Variants in NDUFV1 observed in about 807,000 individuals in gnomAD.
NDUFV1 encodes NADH:ubiquinone oxidoreductase core subunit V1, also known as NADH dehydrogenase [ubiquinone] flavoprotein 1, mitochondrial.
NDUFV1 carries 41 observed loss-of-function variants against 48.7 expected under a neutral mutation model. That is an observed-to-expected ratio of 0.84 (90% CI 0.66 to 1.09). NDUFV1 has a LOEUF of 1.09. Ranked by LOEUF, NDUFV1 falls within the 50% of genes least tolerant of loss-of-function variation. The probability of loss-of-function intolerance (pLI) is 0.00; values close to 1 mark genes in which losing one functional copy is unlikely to be tolerated. For missense variants in NDUFV1, 580 were observed against 645.4 expected, an observed-to-expected ratio of 0.90 and a Z score of 1.10; for synonymous variants, 231 against 259.1, an observed-to-expected ratio of 0.89 and a Z score of 1.04.
Position 67,611,882 on chromosome 11 carries a change from C to A in NDUFV1, c.1081-15C>A. 6.2e-7 allele frequency: 1 copy of A among 1,613,902 alleles called. No homozygotes were observed. Among genetic ancestry groups the A allele is most frequent in the South Asian group, 1.1e-5 (1 of 91,066 alleles). ...TCTGGCCGTGGGTGCCTGCTAATTG[C>A]CCCTCGTCACCCAGACGGACATCGT... On this transcript the variant is annotated splice_polypyrimidine_tract_variant and intron_variant, in intron 7 of 9. Transcript: ENST00000322776. The surrounding 1 kb of genome is among the most constrained non-coding windows in gnomAD (Gnocchi z 4.2).
At position 67,608,690 on chromosome 11, in the gene NDUFV1, G is replaced by A; in HGVS notation, c.294G>A (p.Lys98=). 6.2e-7 allele frequency: 1 copy of A among 1,614,026 alleles called. No individual in the cohort carries two copies. Residue 98 remains lysine (K), a synonymous_variant, in exon 3 of 10, where the codon AAG becomes AAA. Transcript: ENST00000322776. The part of the protein sequence containing the change: ...RGGAGFPTGL[K]WSFMNKPSDG... Reference sequence around the variant, plus strand: ...GCGCTGGCTTCCCCACTGGCCTCAAGTGGAGCTTCATGAATAAGCCCTCAG... The same window carrying A: ...GCGCTGGCTTCCCCACTGGCCTCAAATGGAGCTTCATGAATAAGCCCTCAG...
rs748190303 is a variant in NDUFV1 at position 67,611,230 on chromosome 11, TGGTG to T, written c.913+26_913+29del. The T allele has an allele frequency of 1.3e-5, 20 of 1,564,404 alleles. No homozygotes were observed. The East Asian group carries it at 4.3e-4, about 34-fold the overall frequency. ...CTGGTAAGGCCTGGGGCCAGCCAGGTGGTGGGGGGGTGCGCAGTGGGGGCAGGTG... is the reference window on the plus strand; with the variant it reads ...CTGGTAAGGCCTGGGGCCAGCCAGGTGGGGGGTGCGCAGTGGGGGCAGGTG... On this transcript the variant is annotated intron_variant, in intron 6 of 9. Transcript: ENST00000322776. This position sits in a 1 kb window ranked among gnomAD's most constrained non-coding sequence, Gnocchi z 4.2.
In NDUFV1 at chr11:67,610,314, C is replaced by T. The variant is rs189537300; in HGVS notation, c.511-67C>T. ...TGGGAGGCCTTCAAGGGCTTCATGA[C>T]TCCTGAAGTTATAGGCTGACTCCTG... On this transcript the variant is annotated intron_variant, in intron 4 of 9. Coordinates refer to ENST00000322776, the MANE Select transcript of NDUFV1 (RefSeq NM_007103.4). 4.1e-4 allele frequency: 649 copies of T among 1,583,216 alleles called. 3 individuals are homozygous for T. In the African/African-American group the frequency reaches 8.1e-3, roughly 20 times the overall value.
At position 67,608,656 on chromosome 11, in the gene NDUFV1, G is replaced by A. The variant is rs1474238180; in HGVS notation, c.260G>A (p.Gly87Asp). Residue 87 changes from glycine to aspartate, a missense_variant, in exon 3 of 10, where the codon GGC (glycine) becomes GAC (aspartate). By Grantham distance (94) the Gly-to-Asp change is moderately conservative. Transcript: ENST00000322776. Reference protein sequence around the residue: ...LGEIKTSGLRGRGGAGFPTGL... With the variant: ...LGEIKTSGLRDRGGAGFPTGL... ...GAGATCAAGACATCGGGTTTGAGGG[G>A]CCGTGGAGGCGCTGGCTTCCCCACT... 5 of 1,614,058 alleles carry A rather than the reference G, an allele frequency of 3.1e-6. No homozygotes were observed. The highest frequency in any genetic ancestry group is 1.7e-5 in the Admixed American group (1 of 59,998).
intron 3 of NDUFV1, 137 bp downstream of exon 3, chr11:67,608,859 A>C: frequency 1.7e-6 from 2 of 1,204,610 alleles, no homozygotes; most frequent in Non-Finnish European, 2.4e-6. Flanking sequence ...CCTTAAATGG[A>C]TGGGACTTAC....
Position 67,611,455 on chromosome 11 carries a change from G to C in NDUFV1, c.966G>C (p.Ser322=), listed in dbSNP as rs748790523. The C allele has an allele frequency of 6.2e-7, 1 of 1,614,124 alleles. No individual in the cohort carries two copies. The highest frequency in any genetic ancestry group is 2.2e-5 in the East Asian group (1 of 44,882). ...DNLLAVIPGG[S]STPLIPKSVC... ...TCCTTGCTGTGATCCCTGGCGGCTCGTCTACCCCACTGATCCCCAAGTCTG... is the reference window on the plus strand; with the variant it reads ...TCCTTGCTGTGATCCCTGGCGGCTCCTCTACCCCACTGATCCCCAAGTCTG... The change falls in exon 7 of 10, where the codon TCG becomes TCC. Residue 322 remains serine (S), a synonymous_variant. Transcript: ENST00000322776. The surrounding 1 kb of genome is among the most constrained non-coding windows in gnomAD (Gnocchi z 4.2).
chr11:67,610,872 A>T (rs1365163217), intron 5 of NDUFV1, 123 bp from the exon 6 acceptor site: 4 of 969,088 alleles, frequency 4.1e-6, no homozygotes, highest in Non-Finnish European at 6.5e-6. Context: ...CAGGGATAAG[A>T]ATGATAAGGG....
In NDUFV1 at chr11:67,612,478, G is replaced by C; in HGVS notation, c.*20G>C. The stretch of plus-strand genomic sequence containing the variant: ...TCTTAGCCCACCACCCTGGCCTGCT[G>C]TCCTGCGTCTATCCATGTGGAATGC... On this transcript the variant is annotated 3_prime_UTR_variant, in exon 10 of 10. Transcript: ENST00000322776. This position sits in a 1 kb window ranked among gnomAD's most constrained non-coding sequence, Gnocchi z 4.4. 6.2e-7 allele frequency: 1 copy of C among 1,607,150 alleles called. No individual in the cohort carries two copies.
intron 3 of NDUFV1, 118 bp downstream of exon 3, chr11:67,608,840 G>A (rs1258089869): frequency 7.0e-6 from 10 of 1,418,530 alleles, no homozygotes; most frequent in Non-Finnish European, 9.7e-6. Context: ...GTGGGCACAT[G>A]TTCCCAGGCC....
At chr11:67,608,838 A>G in intron 3 of NDUFV1, 116 bp downstream of exon 3, 1 of 1,435,506 alleles carries the variant, frequency 7.0e-7, no homozygotes, top group Non-Finnish European at 9.6e-7. Context: ...AGGTGGGCAC[A>G]TGTTCCCAGG....
intron 4 of NDUFV1, chr11:67,609,887 A>C: frequency 2.1e-6 from 1 of 474,968 alleles, no homozygotes; most frequent in Non-Finnish European, 3.7e-6. Flanking sequence ...AACAAGTAGC[A>C]AGAAGAAAAA....
Position 67,608,544 on chromosome 11 carries a change from C to G in NDUFV1, c.156-8C>G, listed in dbSNP as rs779240989. On this transcript the variant is annotated splice_region_variant and splice_polypyrimidine_tract_variant and intron_variant, in intron 2 of 9. Coordinates refer to ENST00000322776, the MANE Select transcript of NDUFV1 (RefSeq NM_007103.4). ...TGTCCCCTTCATTGCCTTCCCTATT[C>G]TGTCCAGGCTGAAAGGTTCCCTGAG... The G allele has an allele frequency of 6.2e-7, 1 of 1,614,238 alleles. No homozygotes were observed. The highest frequency in any genetic ancestry group is 8.5e-7 in the Non-Finnish European group (1 of 1,180,044).
rs748986683 is a variant in NDUFV1, at chr11:67,612,409, G to A, written c.1346G>A (p.Arg449Gln). ...IRHFRPELEE[R>Q]MQRFAQQHQA... ...CACTTTCGGCCGGAGCTCGAGGAGC[G>A]GATGCAGCGGTTTGCCCAGCAGCAT... The change falls in exon 10 of 10, where the codon CGG (arginine) becomes CAG (glutamine). Residue 449 changes from arginine (R) to glutamine (Q), a missense_variant. Transcript: ENST00000322776. This position sits in a 1 kb window ranked among gnomAD's most constrained non-coding sequence, Gnocchi z 4.4. The A allele has an allele frequency of 7.4e-6, 12 of 1,612,690 alleles. No homozygotes were observed. The highest frequency in any genetic ancestry group is 5.0e-5 in the Admixed American group (3 of 60,026).
At chr11:67,610,303 G>A in intron 4 of NDUFV1, 78 bp from the exon 5 acceptor site, 2 of 1,558,466 alleles carry the variant, frequency 1.3e-6, no homozygotes, top group Non-Finnish European at 1.8e-6. Context: ...AGGCCTTCAA[G>A]GGCTTCATGA....
intron 5 of NDUFV1, 22 bp downstream of exon 5, chr11:67,610,592 G>A (rs760225994): frequency 1.9e-6 from 3 of 1,612,922 alleles, no homozygotes; most frequent in East Asian, 2.2e-5. Context: ...CGTAACCCTG[G>A]GTCAGACTGT....
Position 67,606,972 on chromosome 11 carries a change from G to A in NDUFV1, c.-33G>A, listed in dbSNP as rs1407612450. Reference sequence around the variant, plus strand: ...TCCTCAGCCTCAGTGCTATGAAGGTGACAGCGTGAGGTGACCCATCTGGCC... The same window carrying A: ...TCCTCAGCCTCAGTGCTATGAAGGTAACAGCGTGAGGTGACCCATCTGGCC... On this transcript the variant is annotated 5_prime_UTR_variant, in exon 1 of 10. Transcript: ENST00000322776. The A allele has an allele frequency of 1.9e-6, 3 of 1,601,170 alleles. No individual in the cohort carries two copies. Among genetic ancestry groups the A allele is most frequent in the African/African-American group, 1.3e-5 (1 of 74,810 alleles).
intron 5 of NDUFV1, 91 bp from the exon 6 acceptor site, chr11:67,610,904 C>A: frequency 8.0e-7 from 1 of 1,254,332 alleles, no homozygotes; most frequent in Non-Finnish European, 1.2e-6. Context: ...AGGGGCTCTG[C>A]CATGGGTGCA....
rs773350721 is a variant in NDUFV1 at position 67,610,370 on chromosome 11, T to C, written c.511-11T>C. The C allele has an allele frequency of 1.5e-5, 24 of 1,614,024 alleles. No individual in the cohort carries two copies. Among genetic ancestry groups the C allele is most frequent in the Non-Finnish European group, 1.9e-5 (22 of 1,180,018 alleles). Reference sequence around the variant, plus strand: ...GGGGTGGGCTGGGAAACTCACACCTTTGTCCTGCAGGTGGCCATCCGAGAG... The same window carrying C: ...GGGGTGGGCTGGGAAACTCACACCTCTGTCCTGCAGGTGGCCATCCGAGAG... On this transcript the variant is annotated splice_polypyrimidine_tract_variant and intron_variant, in intron 4 of 9. Transcript: ENST00000322776.
Position 67,609,604 on chromosome 11 carries a change from G to A in NDUFV1, c.479G>A (p.Gly160Glu), listed in dbSNP as rs767602961. Residue 160 changes from glycine to glutamate, a missense_variant, in exon 4 of 10, where the codon GGG becomes GAG. Gly to Glu is a moderately conservative substitution (Grantham distance 98). Transcript: ENST00000322776. ...GARAAYIYIR[G>E]EFYNEASNLQ... ...CGCGCTGCCTATATCTACATCCGAG[G>A]GGAATTCTACAATGAGGCCTCCAAT... 8 of 1,608,272 alleles carry A rather than the reference G, an allele frequency of 5.0e-6. No individual in the cohort carries two copies. Among genetic ancestry groups the A allele is most frequent in the Non-Finnish European group, 6.8e-6 (8 of 1,180,010 alleles).
Sources: gnomAD v4.1 joint callset for allele counts on GRCh38, gnomAD v4.1.1 for gene constraint, Gnocchi (gnomAD v3.1) non-coding constraint, MANE v1.5 for transcripts, NCBI Gene and HGNC (gene_info 2026-07-23, HGNC 2026-07-21) for gene names.